PCDH15: variants seen among roughly 807,000 people sequenced by gnomAD.
PCDH15 encodes protocadherin-15.
PCDH15 carries 129 observed loss-of-function variants against 178.5 expected under a neutral mutation model. The ratio of observed to expected loss-of-function variants is 0.72; its 90% CI spans 0.63 to 0.84. The LOEUF (loss-of-function observed/expected upper bound fraction) is 0.84, where lower values mean the gene tolerates loss of function less well. Among genes scored for constraint, PCDH15 ranks in the 40% least tolerant of loss-of-function variants. The pLI is 0.00. For missense variants in PCDH15, 2,230 were observed against 2,099.9 expected (o/e 1.06, Z -1.21); for synonymous variants, 800 against 732.0 (o/e 1.09, Z -1.50).
intron 32 of PCDH15, chr10:53,821,993 AT>A: frequency 6.2e-7 from 1 of 1,613,942 alleles, no homozygotes; most frequent in Non-Finnish European, 8.5e-7. Flanking sequence ...GTTCTGAAAC[AT>A]TTGTGCGTAG....
At chr10:54,626,501 C>T (rs1405474756) in intron 2 of PCDH15, among the ~76,000 whole-genome samples, 7 of 152,188 alleles carry the variant, frequency 4.6e-5, no homozygotes, top group Non-Finnish European at 8.8e-5. Context: ...GCTGTGGCTT[C>T]AGAGGGTGCA....
At chr10:55,479,077 T>C (rs1211962310) in intron 2 of PCDH15, among the ~76,000 whole-genome samples, 1 of 150,642 alleles carries the variant, frequency 6.6e-6, no homozygotes, top group East Asian at 2.0e-4. Context: ...GAAGAAAAAA[T>C]ACCAATTATT....
At chr10:54,102,191 A>T (rs1284134061) in intron 15 of PCDH15, among the ~76,000 whole-genome samples, 1 of 152,230 alleles carries the variant, frequency 6.6e-6, no homozygotes, top group East Asian at 1.9e-4. Flanking sequence ...TAATGCAGGC[A>T]TAGTCAAGAA....
At chr10:53,914,525 A>G (rs2083387994) in intron 25 of PCDH15, among the ~76,000 whole-genome samples, 1 of 152,176 alleles carries the variant, frequency 6.6e-6, no homozygotes. Context: ...CAGAAATCCA[A>G]ACACCACATG....
At chr10:54,536,402 A>C (rs1327197713) in intron 2 of PCDH15, among the ~76,000 whole-genome samples, 1 of 151,994 alleles carries the variant, frequency 6.6e-6, no homozygotes, top group Non-Finnish European at 1.5e-5. Flanking sequence ...TTAATATTTC[A>C]GTAGAAGTTT....
At chr10:54,515,450 T>C (rs2082116981) in intron 3 of PCDH15, among the ~76,000 whole-genome samples, 1 of 152,070 alleles carries the variant, frequency 6.6e-6, no homozygotes, top group Admixed American at 6.6e-5. Context: ...ATTGCCGAGT[T>C]AGTTGTTTGA....
In PCDH15 at chr10:54,336,471, C is replaced by T. The variant is rs2891515; in HGVS notation, c.595-6765G>A. ...CCTTTCCGTGTGCAGCCTAGGAACT[C>T]GGTGCCCCGTGTCCCAGCTGCTCCA... On this transcript the variant is annotated intron_variant, in intron 6 of 37. Transcript: ENST00000644397. 5.5e-3 allele frequency among the ~76,000 whole-genome samples: 843 copies of T among 152,186 alleles called. 6 individuals carry two copies. Among genetic ancestry groups the T allele is most frequent in the African/African-American group, 0.019 (801 of 41,526 alleles).
chr10:53,980,972 T>G (rs181517501), intron 21 of PCDH15, among the ~76,000 whole-genome samples: 1 of 152,306 alleles, frequency 6.6e-6, no homozygotes, highest in Non-Finnish European at 1.5e-5. Flanking sequence ...ATATCAGCTT[T>G]GTGATGTCCT....
chr10:55,449,147 T>C (rs955304562), intron 2 of PCDH15, among the ~76,000 whole-genome samples: 4 of 152,100 alleles, frequency 2.6e-5, no homozygotes, highest in African/African-American at 9.6e-5. Context: ...TTTTTAAGTA[T>C]AGAGACAATC....
chr10:54,603,178 A>G lies in PCDH15; in HGVS notation c.91+60994T>C, dbSNP rs181869227. The stretch of plus-strand genomic sequence containing the variant: ...CTAATTTGTTGGTGTATATTTATTC[A>G]TAACAGTCCCTTAAGGGCTCTTTTT... On this transcript the variant is annotated intron_variant, in intron 2 of 37. Coordinates refer to ENST00000644397, the MANE Select transcript of PCDH15 (RefSeq NM_001384140.1). Among the ~76,000 whole-genome samples, 851 of 151,922 alleles carry G rather than the reference A, an allele frequency of 5.6e-3. 5 individuals are homozygous for G. The highest frequency in any genetic ancestry group is 0.019 in the African/African-American group (789 of 41,388).
chr10:54,479,816 A>G (rs1353441170), intron 3 of PCDH15, among the ~76,000 whole-genome samples: 2 of 152,072 alleles, frequency 1.3e-5, no homozygotes, highest in Non-Finnish European at 2.9e-5. Flanking sequence ...TATAGTAAGC[A>G]TTTTCTTACA....
intron 1 of PCDH15, among the ~76,000 whole-genome samples, chr10:54,760,468 T>A (rs1176217184): frequency 6.6e-6 from 1 of 152,146 alleles, no homozygotes; most frequent in East Asian, 1.9e-4. Context: ...CTTTGGATAA[T>A]GAGAACAACA....
At chr10:54,265,381 G>A (rs1026484998) in intron 8 of PCDH15, among the ~76,000 whole-genome samples, 22 of 151,750 alleles carry the variant, frequency 1.4e-4, no homozygotes, top group Non-Finnish European at 2.2e-4. Context: ...AAAGAAACTA[G>A]CTAACAAAAC....
chr10:55,092,402 T>G (rs979355923), intron 2 of PCDH15, among the ~76,000 whole-genome samples: 2 of 151,912 alleles, frequency 1.3e-5, no homozygotes, highest in African/African-American at 4.8e-5. Flanking sequence ...TCATGAAAAC[T>G]TGAAGAAAAC....
intron 2 of PCDH15, among the ~76,000 whole-genome samples, chr10:55,137,182 A>C (rs1231324006): frequency 6.6e-6 from 1 of 152,190 alleles, no homozygotes; most frequent in Admixed American, 6.6e-5. Context: ...ATACATTACA[A>C]TCATGTACCT....
At chr10:54,878,401 A>C (rs985845867) in intron 3 of PCDH15, among the ~76,000 whole-genome samples, 2 of 152,190 alleles carry the variant, frequency 1.3e-5, no homozygotes, top group Non-Finnish European at 2.9e-5. Context: ...AAATACAAAT[A>C]TGCAGATATT....
intron 2 of PCDH15, among the ~76,000 whole-genome samples, chr10:55,125,056 T>C (rs1048554272): frequency 1.3e-5 from 2 of 152,080 alleles, no homozygotes; most frequent in East Asian, 3.9e-4. Flanking sequence ...CTGATGGGAC[T>C]AAATTTAGGC....
intron 11 of PCDH15, among the ~76,000 whole-genome samples, chr10:54,187,329 G>A (rs1056368863): frequency 6.6e-6 from 1 of 151,684 alleles, no homozygotes; most frequent in Non-Finnish European, 1.5e-5. Flanking sequence ...ACATTTTTAA[G>A]CATTTTTGTG....
chr10:55,448,900 G>T (rs949060732), intron 2 of PCDH15, among the ~76,000 whole-genome samples: 1 of 151,968 alleles, frequency 6.6e-6, no homozygotes, highest in Non-Finnish European at 1.5e-5. Flanking sequence ...GAATAAGTAA[G>T]AAAGAATTAA....
Sources: allele counts gnomAD v4.1 joint callset (sites outside exome capture counted in the v4.1 genomes callset), GRCh38; gene constraint gnomAD v4.1.1; transcripts MANE v1.5; gene names NCBI Gene and HGNC (gene_info 2026-07-23, HGNC 2026-07-21).